SEC16A: variants seen among roughly 807,000 people sequenced by gnomAD.
SEC16A encodes SEC16 homolog A, endoplasmic reticulum export factor.
In SEC16A, 110 loss-of-function variants were observed where a neutral mutation model predicts 221.9. That is an observed-to-expected ratio of 0.50 (90% CI 0.42 to 0.58). SEC16A has a LOEUF of 0.58. Ranked by LOEUF, SEC16A falls within the 20% of genes least tolerant of loss-of-function variation. The pLI is 0.00. For missense variants in SEC16A, 3,165 were observed against 3,097.8 expected, an observed-to-expected ratio of 1.02 and a Z score of -0.52; for synonymous variants, 1,393 against 1,257.7, an observed-to-expected ratio of 1.11 and a Z score of -2.28.
rs1564530875 is a variant in SEC16A, at chr9:136,475,249, C to T, written c.2367G>A (p.Glu789=). Residue 789 remains glutamate (E), a synonymous_variant, in exon 3 of 32, where the codon GAG becomes GAA. Transcript: ENST00000684901. The surrounding 1 kb of genome is among the most constrained non-coding windows in gnomAD (Gnocchi z 5.0). ...CCATTTTGGGAGGATTCTCAAGGTT[C>T]TCAGAAGCACCAATGCCACCTCGGC... ...VQSRGGIGAS[E]NLENPPKMGE... 2 of 1,613,674 alleles carry T rather than the reference C, an allele frequency of 1.2e-6. No homozygotes were observed. The highest frequency in any genetic ancestry group is 1.7e-5 in the Admixed American group (1 of 60,024).
chr9:136,461,151 T>C (rs1839425395), intron 13 of SEC16A, 26 bp downstream of exon 13: 5 of 1,567,254 alleles, frequency 3.2e-6, no homozygotes, highest in Middle Eastern at 1.7e-4. Flanking sequence ...GGCTCGCCAC[T>C]GGACCAGGCC....
rs533691572 is a variant in SEC16A, at chr9:136,464,353, A to T, written c.4446+67T>A. On this transcript the variant is annotated intron_variant, in intron 9 of 31. Coordinates refer to ENST00000684901, the MANE Select transcript of SEC16A (RefSeq NM_014866.2). ...CAAGGTCTGACAATTGAAGATGACA[A>T]ACTGCAAAGCAGAGAGTTCCCCAGG... The T allele has an allele frequency of 1.8e-5, 27 of 1,463,336 alleles. No homozygotes were observed. The Admixed American group carries it at 4.2e-4, about 23-fold the overall frequency. The allele number at this position is 1,463,336 out of a possible 1,614,324, so 90.6% of individuals were successfully genotyped here.
Position 136,461,095 on chromosome 9 carries a change from GC to G in SEC16A, c.4991+81del, listed in dbSNP as rs1839413535. 3.9e-5 allele frequency: 42 copies of G among 1,074,322 alleles called. No individual in the cohort carries two copies. The South Asian group carries it at 5.5e-4, about 14-fold the overall frequency. 66.5% of individuals were successfully genotyped at this position (1,074,322 alleles called of 1,614,324 possible). ...CACAGTCAAGTGAGATCCGCCTGCC[GC>G]CTGCCCCCAGGGTGCGGACGCCGCG... On this transcript the variant is annotated intron_variant, in intron 13 of 31. Coordinates refer to ENST00000684901, the MANE Select transcript of SEC16A (RefSeq NM_014866.2).
chr9:136,481,431 C>A (rs990907807), intron 1 of SEC16A, among the ~76,000 whole-genome samples: 1 of 152,216 alleles, frequency 6.6e-6, no homozygotes. Context: ...AGCCACCGCG[C>A]CCGGCCCAGG....
rs746989510 is a variant in SEC16A, at chr9:136,478,825, C to T, written c.-186G>A. On this transcript the variant is annotated 5_prime_UTR_variant, in exon 2 of 32. Coordinates refer to ENST00000684901, the MANE Select transcript of SEC16A (RefSeq NM_014866.2). ...GTCCAGCCTGGGCAACAGAGCAAGA[C>T]GGTCTCTATTTTAAAAAAATAAATA... Among the ~76,000 whole-genome samples the T allele has an allele frequency of 6.6e-6, 1 of 152,112 alleles. No individual in the cohort carries two copies. The highest frequency in any genetic ancestry group is 2.1e-4 in the South Asian group (1 of 4,824).
At chr9:136,479,222 C>T (rs1176236984) in intron 1 of SEC16A, among the ~76,000 whole-genome samples, 9 of 152,232 alleles carry the variant, frequency 5.9e-5, no homozygotes, top group Admixed American at 3.3e-4. Context: ...AATTCAAGGA[C>T]TATATCTTTA....
At chr9:136,470,192 C>A (rs777810522) in intron 4 of SEC16A, among the ~76,000 whole-genome samples, 1 of 152,224 alleles carries the variant, frequency 6.6e-6, no homozygotes, top group Non-Finnish European at 1.5e-5. Context: ...CCAGAGCCTG[C>A]GCAAGCCAGG....
Position 136,454,323 on chromosome 9 carries a change from C to T in SEC16A, c.5862G>A (p.Pro1954=), listed in dbSNP as rs569838203. The change falls in exon 21 of 32, where the codon CCG becomes CCA. Residue 1954 remains proline, a synonymous_variant. Transcript: ENST00000684901. Reference sequence around the variant, plus strand: ...CCAATGGGCCGTCAGGGAGCGTCTGCGGAGCTGCATGGGAACGGTGGAGAA... The same window carrying T: ...CCAATGGGCCGTCAGGGAGCGTCTGTGGAGCTGCATGGGAACGGTGGAGAA... ...SPSVRLLPSA[P]QTLPDGPLAS... 24 of 1,571,698 alleles carry T rather than the reference C, an allele frequency of 1.5e-5. No individual in the cohort carries two copies. Among genetic ancestry groups the T allele is most frequent in the South Asian group, 2.3e-5 (2 of 85,480 alleles).
At chr9:136,474,016 A>C in intron 3 of SEC16A, 33 bp downstream of exon 3, 6 of 1,560,192 alleles carry the variant, frequency 3.8e-6, no homozygotes, top group Non-Finnish European at 5.2e-6. Flanking sequence ...GCACAGACAG[A>C]AAAGTGGGTT....
Position 136,445,713 on chromosome 9 carries a change from T to C in SEC16A, c.6799A>G (p.Ser2267Gly). 1 of 1,552,860 alleles carries C rather than the reference T, an allele frequency of 6.4e-7. No homozygotes were observed. The highest frequency in any genetic ancestry group is 8.7e-7 in the Non-Finnish European group (1 of 1,148,290). ...GAGCCAGGGAGTGACGCTGCAGAGC[T>C]TAAAACCTGCCGAGGAAAAGAAGAA... ...PEPAPEPKVL[S>G]SAASLPGSEL... is the part of the protein sequence containing the mutation. Residue 2267 changes from serine (S) to glycine (G), a missense_variant, in exon 29 of 32, where the codon AGC becomes GGC. By Grantham distance (56) the Ser-to-Gly change is moderately conservative. Transcript: ENST00000684901.
intron 30 of SEC16A, 45 bp from the exon 31 acceptor site, chr9:136,443,945 G>A: frequency 7.0e-7 from 1 of 1,420,264 alleles, no homozygotes; most frequent in Non-Finnish European, 9.6e-7. Context: ...GCGCTGCACA[G>A]CAGCTGTCAC....
In SEC16A at chr9:136,463,149, G is replaced by C. The variant is rs769154753; in HGVS notation, c.4648-17C>G. On this transcript the variant is annotated splice_polypyrimidine_tract_variant and intron_variant, in intron 11 of 31. Coordinates refer to ENST00000684901, the MANE Select transcript of SEC16A (RefSeq NM_014866.2). ...TACCACGGTCTGTTTGGGTCAACAG[G>C]AACAGGAAGGAGAACAACGGCTCTC... is the stretch of plus-strand genomic sequence containing the variant. The C allele has an allele frequency of 1.6e-5, 25 of 1,605,600 alleles. 1 individual carries two copies. The South Asian group carries it at 2.6e-4, about 17-fold the overall frequency.
In SEC16A at chr9:136,456,726, G is replaced by A. The variant is rs560251650; in HGVS notation, c.5551-560C>T. On this transcript the variant is annotated intron_variant, in intron 18 of 31. Transcript: ENST00000684901. ...AGAGGTGAAGATCCTGATGCAACAC[G>A]GGCGCCTCCCATACTCTCGTCAGTC... is the stretch of plus-strand genomic sequence containing the variant. Among the ~76,000 whole-genome samples the A allele has an allele frequency of 1.2e-4, 18 of 152,290 alleles. No homozygotes were observed. In the South Asian group the frequency reaches 1.7e-3, roughly 14 times the overall value.
chr9:136,446,316 C>A (rs1403634152), intron 28 of SEC16A, among the ~76,000 whole-genome samples: 2 of 151,642 alleles, frequency 1.3e-5, no homozygotes, highest in East Asian at 3.9e-4. Context: ...ACCATGTTGG[C>A]CAGGCTGGTC....
At chr9:136,461,301 G>A in intron 12 of SEC16A, 27 bp from the exon 13 acceptor site, 3 of 1,541,756 alleles carry the variant, frequency 1.9e-6, no homozygotes, top group Non-Finnish European at 8.8e-7. Context: ...AGGGACCTTG[G>A]TGGGTTATCG....
Position 136,475,694 on chromosome 9 carries a change from C to G in SEC16A, c.1922G>C (p.Arg641Pro). The change falls in exon 3 of 32, where the codon CGC becomes CCC. Residue 641 changes from arginine (R) to proline (P), a missense_variant. By Grantham distance (103) the Arg-to-Pro change is moderately radical. Around this residue, in one of 3 missense-constraint regions of SEC16A, gnomAD observed 2,030 missense variants for 1,923.1 expected, o/e 1.06. Coordinates refer to ENST00000684901, the MANE Select transcript of SEC16A (RefSeq NM_014866.2). The surrounding 1 kb of genome is among the most constrained non-coding windows in gnomAD (Gnocchi z 5.0). ...VVGEVRETCV[R>P]QKQCRPAAAL... Reference sequence around the variant, plus strand: ...GGCAGCTGGTCTGCACTGCTTCTGGCGGACACAGGTCTCCCTTACTTCACC... The same window carrying G: ...GGCAGCTGGTCTGCACTGCTTCTGGGGGACACAGGTCTCCCTTACTTCACC... The G allele has an allele frequency of 3.7e-6, 6 of 1,613,362 alleles. No homozygotes were observed. The highest frequency in any genetic ancestry group is 5.1e-6 in the Non-Finnish European group (6 of 1,179,672).
chr9:136,464,727 C>T (rs1400157440), intron 8 of SEC16A, among the ~76,000 whole-genome samples, 165 bp from the exon 9 acceptor site: 1 of 152,212 alleles, frequency 6.6e-6, no homozygotes, highest in Non-Finnish European at 1.5e-5. Flanking sequence ...AAAAGTAGAA[C>T]TTCAGCATAC....
At chr9:136,453,892 C>T (rs1838231573) in intron 21 of SEC16A, among the ~76,000 whole-genome samples, 2 of 152,202 alleles carry the variant, frequency 1.3e-5, no homozygotes, top group Non-Finnish European at 2.9e-5. Context: ...AGCTTCACAA[C>T]AAAAAGCCAA....
Position 136,459,821 on chromosome 9 carries a change from C to G in SEC16A, c.5127G>C (p.Leu1709Phe). 1 of 1,613,618 alleles carries G rather than the reference C, an allele frequency of 6.2e-7. No individual in the cohort carries two copies. The highest frequency in any genetic ancestry group is 8.5e-7 in the Non-Finnish European group (1 of 1,179,748). ...GDWRPHLAMVLSNLNNNMDVE... is the reference protein window; with the variant it reads ...GDWRPHLAMVFSNLNNNMDVE... ...CGTCCATGTTGTTGTTCAAGTTGGA[C>G]AAGACCATGGCGAGGTGCGGCCTCC... The change falls in exon 15 of 32, where the codon TTG becomes TTC. Residue 1709 changes from leucine (L) to phenylalanine (F), a missense_variant. Transcript: ENST00000684901. The surrounding 1 kb of genome is among the most constrained non-coding windows in gnomAD (Gnocchi z 6.1).
Sources: gnomAD v4.1 joint callset for allele counts (sites outside exome capture counted in the v4.1 genomes callset) on GRCh38, gnomAD v4.1.1 for gene constraint, gnomAD v4.1.1 regional missense constraint, Gnocchi (gnomAD v3.1) non-coding constraint, MANE v1.5 for transcripts, NCBI Gene and HGNC (gene_info 2026-07-23, HGNC 2026-07-21) for gene names.